The following ZMYM2 variants were observed in gnomAD, a reference collection of about 807,000 sequenced individuals.
The protein encoded by ZMYM2 is zinc finger MYM-type containing 2.
In ZMYM2, 56 loss-of-function variants were observed where a neutral mutation model predicts 162.8. The observed-to-expected ratio is 0.34, with a 90% CI of 0.28 to 0.43. The LOEUF (loss-of-function observed/expected upper bound fraction) is 0.43. Ranked by LOEUF, ZMYM2 falls within the 20% of genes least tolerant of loss-of-function variation. The pLI is 1.00. For synonymous variants in ZMYM2, 510 were observed against 541.6 expected (o/e 0.94, Z 0.81); for missense variants, 1,275 against 1,621.8 (o/e 0.79, Z 3.67).
chr13:19,966,605 C>A (rs776907293), intron 2 of ZMYM2, among the ~76,000 whole-genome samples: 1 of 151,842 alleles, frequency 6.6e-6, no homozygotes, highest in Admixed American at 6.6e-5. Flanking sequence ...CCACGCCGGG[C>A]TGATTTTGTA....
At chr13:19,983,745 C>T (rs1455950802) in intron 2 of ZMYM2, among the ~76,000 whole-genome samples, 2 of 152,144 alleles carry the variant, frequency 1.3e-5, no homozygotes, top group Admixed American at 6.5e-5. Context: ...CCTCCCGCCT[C>T]AGTCCCATAA....
intron 19 of ZMYM2, among the ~76,000 whole-genome samples, chr13:20,066,293 C>T (rs1378210287): frequency 2.6e-5 from 4 of 152,126 alleles, no homozygotes; most frequent in African/African-American, 7.2e-5. Context: ...CCTGCACAGT[C>T]ACAAATTTGT....
At chr13:20,012,434 C>G (rs1444261825) in intron 6 of ZMYM2, among the ~76,000 whole-genome samples, 1 of 152,134 alleles carries the variant, frequency 6.6e-6, no homozygotes, top group Non-Finnish European at 1.5e-5. Context: ...TCCTTCTCAG[C>G]CTCTCAAAGT....
chr13:20,036,089 T>TTACTTA (rs1163437017), intron 11 of ZMYM2, among the ~76,000 whole-genome samples: 16 of 152,166 alleles, frequency 1.1e-4, no homozygotes, highest in African/African-American at 3.9e-4. Context: ...AACATGTAAG[T>TTACTTA]CATTCTACTT....
rs1950501636 is a variant in ZMYM2 at position 20,002,991 on chromosome 13, C to T, written c.989C>T (p.Thr330Ile). 2 of 1,614,172 alleles carry T rather than the reference C, an allele frequency of 1.2e-6. No homozygotes were observed. Among genetic ancestry groups the T allele is most frequent in the East Asian group, 2.2e-5 (1 of 44,874 alleles). ...CAGCCTACTAAACCAGTTAAAGTCA[C>T]TTGTGCAAACTGCAAAAAACCTTTA... Reference protein sequence around the residue: ...QQQPTKPVKVTCANCKKPLQK... With the variant: ...QQQPTKPVKVICANCKKPLQK... Residue 330 changes from threonine (T) to isoleucine (I), a missense_variant, in exon 4 of 25, where the codon ACT (threonine) becomes ATT (isoleucine). Thr to Ile is a moderately conservative substitution (Grantham distance 89). Transcript: ENST00000610343.
chr13:19,883,165 G>A, the ZMYM2 span, among the ~76,000 whole-genome samples: 13 of 152,162 alleles, frequency 8.5e-5, no homozygotes, highest in Admixed American at 3.3e-4. Flanking sequence ...ATACTGTATG[G>A]CTTCATTTAT....
chr13:19,901,740 G>T, the ZMYM2 span, among the ~76,000 whole-genome samples: 8 of 152,114 alleles, frequency 5.3e-5, no homozygotes. Context: ...CTCCCAAAGT[G>T]CTGGGATTAC....
chr13:20,042,241 A>G (rs907390422), intron 12 of ZMYM2, among the ~76,000 whole-genome samples: 1 of 151,988 alleles, frequency 6.6e-6, no homozygotes, highest in African/African-American at 2.4e-5. Context: ...TATTTCCTGG[A>G]GGTTTTGCTC....
chr13:20,045,790 G>A (rs2140480978), intron 12 of ZMYM2, among the ~76,000 whole-genome samples: 1 of 152,140 alleles, frequency 6.6e-6, no homozygotes, highest in Middle Eastern at 3.4e-3. Flanking sequence ...TTGTTTTACT[G>A]TACAAATATC....
At chr13:19,882,588 A>G in the ZMYM2 span, among the ~76,000 whole-genome samples, 1 of 152,136 alleles carries the variant, frequency 6.6e-6, no homozygotes, top group African/African-American at 2.4e-5. Flanking sequence ...CTCTACCAAA[A>G]ATACAAAAAT....
In ZMYM2 at chr13:19,973,451, T is replaced by C. The variant is rs562890660; in HGVS notation, c.-11+13425T>C. On this transcript the variant is annotated intron_variant, in intron 2 of 24. Transcript: ENST00000610343. ...TTTGGGAGGCCAAGGCAGGTGGATC[T>C]CCTGAGGTCAAGAGTTCAAGACCAG... Among the ~76,000 whole-genome samples the C allele has an allele frequency of 5.1e-4, 77 of 151,500 alleles. 1 individual carries two copies. Among genetic ancestry groups the C allele is most frequent in the Admixed American group, 4.9e-3 (75 of 15,214 alleles).
At chr13:19,877,232 A>C in the ZMYM2 span, among the ~76,000 whole-genome samples, 16 of 151,808 alleles carry the variant, frequency 1.1e-4, no homozygotes, top group South Asian at 2.1e-3. Flanking sequence ...AAAAAAACAA[A>C]GAAGTTTATT....
intron 2 of ZMYM2, among the ~76,000 whole-genome samples, chr13:19,976,625 C>G (rs1218674927): frequency 6.6e-6 from 1 of 152,160 alleles, no homozygotes; most frequent in Non-Finnish European, 1.5e-5. Context: ...ATGAATTTGA[C>G]TACTTTAGAT....
At chr13:19,929,153 A>G in the ZMYM2 span, among the ~76,000 whole-genome samples, 1 of 152,356 alleles carries the variant, frequency 6.6e-6, no homozygotes, top group East Asian at 1.9e-4. Flanking sequence ...TCATATATCT[A>G]TAAATAATGA....
At chr13:20,029,028 A>G (rs1005636686) in intron 9 of ZMYM2, among the ~76,000 whole-genome samples, 1 of 152,216 alleles carries the variant, frequency 6.6e-6, no homozygotes, top group Non-Finnish European at 1.5e-5. Flanking sequence ...TATCTTCATT[A>G]GATATTTTCC....
chr13:19,931,496 C>T, the ZMYM2 span, among the ~76,000 whole-genome samples: 7 of 152,230 alleles, frequency 4.6e-5, no homozygotes, highest in African/African-American at 1.7e-4. Context: ...CTCCCAACCC[C>T]TGGCAACCAC....
At chr13:19,913,905 A>T in the ZMYM2 span, among the ~76,000 whole-genome samples, 12 of 152,308 alleles carry the variant, frequency 7.9e-5, no homozygotes, top group South Asian at 2.5e-3. Context: ...CAGGTCCATG[A>T]TATGCAGACA....
the ZMYM2 span, among the ~76,000 whole-genome samples, chr13:19,939,555 A>T: frequency 2.6e-5 from 4 of 152,210 alleles, no homozygotes; most frequent in Admixed American, 6.5e-5. Flanking sequence ...GTTGCTAACA[A>T]CTTTTCCATT....
intron 21 of ZMYM2, among the ~76,000 whole-genome samples, chr13:20,080,356 T>G (rs1299588650): frequency 6.6e-6 from 1 of 152,242 alleles, no homozygotes; most frequent in East Asian, 1.9e-4. Flanking sequence ...TCTTATGTTT[T>G]GATTAGTGTA....
Sources: gnomAD v4.1 joint callset for allele counts (sites outside exome capture counted in the v4.1 genomes callset) on GRCh38, gnomAD v4.1.1 for gene constraint, MANE v1.5 for transcripts, NCBI Gene and HGNC (gene_info 2026-07-23, HGNC 2026-07-21) for gene names.